Variants in TNKS observed in about 807,000 individuals in gnomAD.
TNKS encodes the protein poly [ADP-ribose] polymerase tankyrase-1.
TNKS carries 72 observed loss-of-function variants against 135.8 expected under a neutral mutation model. The observed-to-expected ratio is 0.53, with a 90% confidence interval of 0.44 to 0.64. The LOEUF (loss-of-function observed/expected upper bound fraction) is 0.64. Ranked by LOEUF, TNKS falls within the 30% of genes least tolerant of loss-of-function variation. The probability of loss-of-function intolerance (pLI) is 0.00; values close to 1 mark genes in which losing one functional copy is unlikely to be tolerated. For synonymous variants in TNKS, 849 were observed against 649.3 expected (o/e 1.31, Z -4.68); for missense variants, 1,769 against 1,674.0 (o/e 1.06, Z -0.99).
intron 26 of TNKS, among the ~76,000 whole-genome samples, chr8:9,773,012 C>T (rs979238149): frequency 2.0e-5 from 3 of 151,118 alleles, no homozygotes; most frequent in African/African-American, 4.9e-5. Context: ...TTGCAACTTA[C>T]TTGTAAGTTG....
At chr8:9,560,408 C>G (rs1338826243) in intron 1 of TNKS, among the ~76,000 whole-genome samples, 4 of 145,498 alleles carry the variant, frequency 2.7e-5, no homozygotes, top group African/African-American at 7.6e-5. Context: ...TTAATGGTAT[C>G]TACTACAATA....
chr8:9,762,321 A>T (rs900772064), intron 21 of TNKS, among the ~76,000 whole-genome samples: 14 of 152,228 alleles, frequency 9.2e-5, no homozygotes, highest in African/African-American at 2.9e-4. Flanking sequence ...GTGAAATTCA[A>T]ACTGGAAGAT....
chr8:9,591,588 C>T (rs1356748347), intron 2 of TNKS, among the ~76,000 whole-genome samples: 1 of 152,032 alleles, frequency 6.6e-6, no homozygotes, highest in Non-Finnish European at 1.5e-5. Context: ...TATCTTTTGG[C>T]CATCTTTGGT....
chr8:9,708,417 C>G lies in TNKS; in HGVS notation c.1503C>G (p.Asp501Glu). ...TACTACAAGCAGCCAGAGAAGCAGA[C>G]TTAGCTAAAGTTAAAAAAACACTCG... is the stretch of plus-strand genomic sequence containing the variant. ...HSLLQAAREA[D>E]LAKVKKTLAL... Residue 501 changes from aspartate to glutamate, a missense_variant, in exon 9 of 27, where the codon GAC (aspartate) becomes GAG (glutamate). This residue lies in a region of TNKS where 523 missense variants were observed against 541.0 expected (regional missense o/e 0.97). Coordinates refer to ENST00000310430, the MANE Select transcript of TNKS (RefSeq NM_003747.3). The G allele has an allele frequency of 1.2e-6, 2 of 1,609,602 alleles. No homozygotes were observed. Among genetic ancestry groups the G allele is most frequent in the Non-Finnish European group, 1.7e-6 (2 of 1,177,718 alleles).
At chr8:9,766,165 T>A (rs923194653) in intron 24 of TNKS, 74 bp from the exon 25 acceptor site, 27 of 1,294,506 alleles carry the variant, frequency 2.1e-5, no homozygotes, top group East Asian at 4.6e-5. Flanking sequence ...ACCTGCCCGA[T>A]GCAAATAGTG....
intron 3 of TNKS, among the ~76,000 whole-genome samples, chr8:9,619,760 G>A (rs1488745894): frequency 6.6e-6 from 1 of 150,570 alleles, no homozygotes; most frequent in East Asian, 2.0e-4. Flanking sequence ...GGCTTAGTAA[G>A]TCAGCAAAAT....
chr8:9,694,564 C>T (rs1456445039), intron 5 of TNKS, among the ~76,000 whole-genome samples: 4 of 152,044 alleles, frequency 2.6e-5, no homozygotes, highest in Non-Finnish European at 4.4e-5. Flanking sequence ...GAGTTCACGA[C>T]CAGCCTGACC....
chr8:9,733,187 G>C, intron 14 of TNKS, 92 bp from the exon 15 acceptor site: 1 of 1,229,184 alleles, frequency 8.1e-7, no homozygotes, highest in Non-Finnish European at 1.1e-6. Context: ...AGTATAGTCA[G>C]TACCATAGAA....
At chr8:9,614,112 C>G (rs541572323) in intron 2 of TNKS, among the ~76,000 whole-genome samples, 9 of 152,222 alleles carry the variant, frequency 5.9e-5, no homozygotes, top group African/African-American at 2.2e-4. Flanking sequence ...ATGATAAAGA[C>G]CTTTTATAAG....
chr8:9,775,100 G>C (rs1465101781), intron 26 of TNKS, among the ~76,000 whole-genome samples: 1 of 152,076 alleles, frequency 6.6e-6, no homozygotes, highest in African/African-American at 2.4e-5. Context: ...TGACCATTAA[G>C]CCACCTGGTT....
chr8:9,673,617 TGTGTTTTTA>T (rs1802405210), intron 3 of TNKS, among the ~76,000 whole-genome samples: 1 of 152,026 alleles, frequency 6.6e-6, no homozygotes, highest in South Asian at 2.1e-4. Flanking sequence ...CTAATTTTTT[TGTGTTTTTA>T]GTAGAGAGGA....
At chr8:9,588,050 T>C (rs1353857630) in intron 2 of TNKS, among the ~76,000 whole-genome samples, 1 of 152,224 alleles carries the variant, frequency 6.6e-6, no homozygotes, top group Non-Finnish European at 1.5e-5. Context: ...AAAAAGCAGA[T>C]AATGTAGTGG....
intron 3 of TNKS, among the ~76,000 whole-genome samples, chr8:9,672,773 T>G (rs935471130): frequency 4.2e-5 from 6 of 143,778 alleles, no homozygotes; most frequent in African/African-American, 1.6e-4. Context: ...TTAACACAGA[T>G]AGTTGATGGC....
intron 3 of TNKS, among the ~76,000 whole-genome samples, chr8:9,640,641 C>T (rs1800691712): frequency 6.9e-6 from 1 of 145,816 alleles, no homozygotes; most frequent in Admixed American, 7.2e-5. Context: ...AAGACAGGTT[C>T]ATCATTTTTA....
intron 3 of TNKS, among the ~76,000 whole-genome samples, chr8:9,622,864 C>T (rs941228931): frequency 6.6e-6 from 1 of 152,086 alleles, no homozygotes; most frequent in Admixed American, 6.5e-5. Flanking sequence ...GGATACGTTC[C>T]AAGACCCCCA....
chr8:9,628,657 G>A (rs568429917), intron 3 of TNKS, among the ~76,000 whole-genome samples: 4 of 152,004 alleles, frequency 2.6e-5, no homozygotes, highest in Admixed American at 2.0e-4. Flanking sequence ...TGATTTCATC[G>A]AGTCCATTTT....
intron 6 of TNKS, among the ~76,000 whole-genome samples, chr8:9,705,106 A>G (rs1803986075): frequency 6.6e-6 from 1 of 152,240 alleles, no homozygotes; most frequent in Admixed American, 6.5e-5. Flanking sequence ...TTCAACAGAT[A>G]GTAAAGGATC....
chr8:9,682,940 A>T (rs1802844551), intron 5 of TNKS, among the ~76,000 whole-genome samples: 1 of 152,024 alleles, frequency 6.6e-6, no homozygotes, highest in African/African-American at 2.4e-5. Context: ...CTAAAATATA[A>T]ATAATGCAAT....
chr8:9,565,904 T>G (rs939139531), intron 1 of TNKS, among the ~76,000 whole-genome samples: 1 of 152,074 alleles, frequency 6.6e-6, no homozygotes, highest in African/African-American at 2.4e-5. Context: ...AACTCCCTGA[T>G]GCCTTGTTAA....
Sources: gnomAD v4.1 joint callset for allele counts (sites outside exome capture counted in the v4.1 genomes callset) on GRCh38, gnomAD v4.1.1 for gene constraint, gnomAD v4.1.1 regional missense constraint, MANE v1.5 for transcripts, NCBI Gene and HGNC (gene_info 2026-07-23, HGNC 2026-07-21) for gene names.